THSD7B: variants seen among roughly 807,000 people sequenced by gnomAD.
The protein encoded by THSD7B is thrombospondin type-1 domain-containing protein 7B.
A neutral mutation model predicts 213.6 loss-of-function variants in THSD7B; 138 were observed. That is an observed-to-expected ratio of 0.65 (90% confidence interval 0.56 to 0.74). The LOEUF is 0.74. Ranked by LOEUF, THSD7B falls within the 30% of genes least tolerant of loss-of-function variation. The pLI, the probability that THSD7B is intolerant of heterozygous loss-of-function variation, is 0.00. For missense variants in THSD7B, 1,931 were observed against 1,991.5 expected, an observed-to-expected ratio of 0.97 and a Z score of 0.58; for synonymous variants, 742 against 687.0, an observed-to-expected ratio of 1.08 and a Z score of -1.25.
At chr2:137,299,303 T>A (rs113345620) in intron 12 of THSD7B, among the ~76,000 whole-genome samples, 2 of 152,106 alleles carry the variant, frequency 1.3e-5, no homozygotes, top group Non-Finnish European at 2.9e-5. Flanking sequence ...CCCCATTGTA[T>A]CTAGGAAGTA....
chr2:137,548,592 A>G (rs1680784451), intron 15 of THSD7B, among the ~76,000 whole-genome samples: 1 of 151,762 alleles, frequency 6.6e-6, no homozygotes. Context: ...ACATCATTAC[A>G]TTTTCCCATT....
intron 15 of THSD7B, among the ~76,000 whole-genome samples, chr2:137,456,235 G>A (rs1687761050): frequency 6.6e-6 from 1 of 152,092 alleles, no homozygotes; most frequent in African/African-American, 2.4e-5. Flanking sequence ...TCCTAGCAGG[G>A]TAATGATGTT....
chr2:136,941,347 T>A (rs1307913981), intron 2 of THSD7B, among the ~76,000 whole-genome samples: 1 of 152,224 alleles, frequency 6.6e-6, no homozygotes, highest in Non-Finnish European at 1.5e-5. Flanking sequence ...GTAGCATGAT[T>A]TATAATCCTT....
chr2:137,675,450 G>A (rs114726531), intron 27 of THSD7B, among the ~76,000 whole-genome samples: 2,588 of 127,566 alleles, frequency 0.02, 96 homozygotes, highest in African/African-American at 0.062. Context: ...ATATATATGC[G>A]GACAGTGTGG....
chr2:137,141,090 A>G (rs1385712503), intron 5 of THSD7B, among the ~76,000 whole-genome samples: 1 of 152,162 alleles, frequency 6.6e-6, no homozygotes, highest in Non-Finnish European at 1.5e-5. Context: ...AGGGTTTCTC[A>G]CATGGAGGAG....
At chr2:137,051,027 G>A (rs146776343) in intron 2 of THSD7B, among the ~76,000 whole-genome samples, 14 of 152,252 alleles carry the variant, frequency 9.2e-5, no homozygotes, top group African/African-American at 3.1e-4. Context: ...ATATAGACTT[G>A]GAAACTCTCA....
intron 1 of THSD7B, among the ~76,000 whole-genome samples, chr2:136,847,333 T>C (rs59420000): frequency 0.034 from 5,174 of 152,288 alleles, 303 homozygotes; most frequent in African/African-American, 0.12. Context: ...TACTTGATTT[T>C]AGTTTTATCT....
chr2:137,609,555 G>A (rs1344130543), intron 17 of THSD7B, among the ~76,000 whole-genome samples: 1 of 152,192 alleles, frequency 6.6e-6, no homozygotes, highest in African/African-American at 2.4e-5. Context: ...TGGTGAATGA[G>A]GTGTAGGCAG....
intron 13 of THSD7B, among the ~76,000 whole-genome samples, chr2:137,408,719 G>C (rs567609149): frequency 6.6e-6 from 1 of 152,248 alleles, no homozygotes; most frequent in African/African-American, 2.4e-5. Flanking sequence ...GGGGACAATT[G>C]TTTCCTTTCA....
chr2:137,553,330 T>A (rs1680887268), intron 15 of THSD7B, among the ~76,000 whole-genome samples: 1 of 152,298 alleles, frequency 6.6e-6, no homozygotes, highest in Admixed American at 6.5e-5. Flanking sequence ...TTATTTGTTT[T>A]ATTTGAGCCC....
intron 7 of THSD7B, among the ~76,000 whole-genome samples, chr2:137,203,990 A>G (rs1001377376): frequency 6.6e-6 from 1 of 152,098 alleles, no homozygotes; most frequent in African/African-American, 2.4e-5. Context: ...TGAAAGAAAT[A>G]TATCCATAGA....
intron 7 of THSD7B, among the ~76,000 whole-genome samples, chr2:137,206,077 T>C (rs779955010): frequency 6.6e-6 from 1 of 151,870 alleles, no homozygotes; most frequent in Non-Finnish European, 1.5e-5. Context: ...GTCTTTCATA[T>C]TGTTTTTTTA....
intron 2 of THSD7B, among the ~76,000 whole-genome samples, chr2:137,025,956 A>G (rs1165765722): frequency 6.6e-6 from 1 of 152,214 alleles, no homozygotes; most frequent in Non-Finnish European, 1.5e-5. Flanking sequence ...CATAAAGAAT[A>G]CACTCAACCC....
intron 2 of THSD7B, among the ~76,000 whole-genome samples, chr2:136,923,783 C>A (rs1185496659): frequency 6.6e-6 from 1 of 152,044 alleles, no homozygotes; most frequent in East Asian, 1.9e-4. Flanking sequence ...AAGTTCTTTA[C>A]CTATTTTTTA....
chr2:137,581,051 T>A (rs1256848496), intron 17 of THSD7B, among the ~76,000 whole-genome samples: 3 of 152,200 alleles, frequency 2.0e-5, no homozygotes, highest in Admixed American at 6.5e-5. Context: ...TGATATAATA[T>A]GTCTGAGCTT....
chr2:136,888,642 C>T (rs1683762594), intron 2 of THSD7B, among the ~76,000 whole-genome samples: 1 of 152,044 alleles, frequency 6.6e-6, no homozygotes, highest in African/African-American at 2.4e-5. Flanking sequence ...AAAGTATAGA[C>T]ATATGGCCTG....
chr2:136,782,519 C>CA (rs1261971844), intron 1 of THSD7B, among the ~76,000 whole-genome samples: 1 of 152,188 alleles, frequency 6.6e-6, no homozygotes, highest in African/African-American at 2.4e-5. Flanking sequence ...TTTGCTTGTT[C>CA]ACCTGGTGCT....
chr2:137,368,768 T>C (rs1573988293), intron 12 of THSD7B, among the ~76,000 whole-genome samples: 1 of 152,146 alleles, frequency 6.6e-6, no homozygotes, highest in South Asian at 2.1e-4. Flanking sequence ...ATTTTAGCCT[T>C]ATCCTGATTC....
intron 2 of THSD7B, among the ~76,000 whole-genome samples, chr2:137,055,101 G>A (rs927558314): frequency 6.6e-6 from 1 of 152,180 alleles, no homozygotes; most frequent in Non-Finnish European, 1.5e-5. Context: ...TCCCTGTGAA[G>A]GACATGAACT....
Sources: allele counts gnomAD v4.1 joint callset (sites outside exome capture counted in the v4.1 genomes callset), GRCh38; gene constraint gnomAD v4.1.1; transcripts MANE v1.5; gene names NCBI Gene and HGNC (gene_info 2026-07-23, HGNC 2026-07-21).